Variants in SAMMSON observed in about 807,000 individuals in gnomAD.
The protein encoded by SAMMSON is long intergenic non-protein coding RNA 1212.
chr3:70,020,027 A>G (rs1448505918), intron 3 of SAMMSON, among the ~76,000 whole-genome samples: 1 of 152,124 alleles, frequency 6.6e-6, no homozygotes, highest in Non-Finnish European at 1.5e-5. Flanking sequence ...CTCTCTTTTC[A>G]CAGGCAGAAA....
chr3:70,134,849 A>C (rs550542938), intron 4 of SAMMSON, among the ~76,000 whole-genome samples: 1 of 152,294 alleles, frequency 6.6e-6, no homozygotes, highest in South Asian at 2.1e-4. Context: ...AAGTATCTAA[A>C]AGTGAATGAA....
chr3:70,245,669 CTTTATATATATATA>C (rs1701699611), intron 4 of SAMMSON, among the ~76,000 whole-genome samples: 1 of 72,214 alleles, frequency 1.4e-5, no homozygotes, highest in African/African-American at 5.2e-5. Flanking sequence ...TTGCAAACTG[CTTTATATATATATA>C]TATATATATA....
At chr3:70,419,545 G>T (rs906801125) in intron 2 of SAMMSON, among the ~76,000 whole-genome samples, 3 of 152,164 alleles carry the variant, frequency 2.0e-5, no homozygotes, top group African/African-American at 7.2e-5. Flanking sequence ...TGGAATGAGG[G>T]CTTGAGAAAG....
At chr3:70,327,808 C>A (rs539378868) in intron 7 of SAMMSON, among the ~76,000 whole-genome samples, 5 of 152,100 alleles carry the variant, frequency 3.3e-5, no homozygotes, top group African/African-American at 1.2e-4. Context: ...TGAAAGGAGC[C>A]AAAATTTTCC....
intron 4 of SAMMSON, among the ~76,000 whole-genome samples, chr3:70,149,119 CAGA>C (rs1244456661): frequency 2.0e-5 from 3 of 152,062 alleles, no homozygotes; most frequent in Non-Finnish European, 4.4e-5. Context: ...TGTTTCTCAG[CAGA>C]AGGTCAAATG....
At chr3:70,044,513 G>A (rs1193085586) in intron 3 of SAMMSON, among the ~76,000 whole-genome samples, 1 of 151,998 alleles carries the variant, frequency 6.6e-6, no homozygotes, top group Non-Finnish European at 1.5e-5. Flanking sequence ...TTTGATGTAA[G>A]TTCAAATGCC....
At chr3:70,401,411 A>G (rs945605629) in intron 2 of SAMMSON, among the ~76,000 whole-genome samples, 1 of 152,192 alleles carries the variant, frequency 6.6e-6, no homozygotes, top group South Asian at 2.1e-4. Context: ...TAAGGCAATT[A>G]CTAGCATTTA....
At chr3:70,051,613 A>G (rs976634687) in intron 3 of SAMMSON, among the ~76,000 whole-genome samples, 4 of 151,616 alleles carry the variant, frequency 2.6e-5, no homozygotes, top group African/African-American at 7.3e-5. Context: ...CTATGTGAAA[A>G]TAAGGTGGTA....
chr3:70,113,157 T>C (rs536082247), intron 4 of SAMMSON, among the ~76,000 whole-genome samples: 1 of 152,296 alleles, frequency 6.6e-6, no homozygotes, highest in East Asian at 1.9e-4. Flanking sequence ...TATAACAGCA[T>C]ATGGTATAGT....
intron 1 of SAMMSON, among the ~76,000 whole-genome samples, chr3:70,004,369 T>C (rs2066918076): frequency 6.6e-6 from 1 of 152,176 alleles, no homozygotes; most frequent in East Asian, 1.9e-4. Context: ...AGCCTATTAG[T>C]TCAGAAGGAT....
At chr3:70,420,463 G>A (rs772855797) in intron 2 of SAMMSON, among the ~76,000 whole-genome samples, 1 of 152,140 alleles carries the variant, frequency 6.6e-6, no homozygotes, top group Non-Finnish European at 1.5e-5. Context: ...TAATGTACGA[G>A]AACCACTATC....
At chr3:70,048,025 A>G (rs1423120620) in intron 3 of SAMMSON, among the ~76,000 whole-genome samples, 1 of 152,104 alleles carries the variant, frequency 6.6e-6, no homozygotes, top group Admixed American at 6.5e-5. Context: ...TTCAAATCAT[A>G]GCAATGATTT....
intron 6 of SAMMSON, among the ~76,000 whole-genome samples, chr3:70,263,620 A>T (rs1315376004): frequency 6.6e-6 from 1 of 152,174 alleles, no homozygotes; most frequent in Non-Finnish European, 1.5e-5. Context: ...CACTTCACAC[A>T]TGTAGATGGT....
chr3:70,346,311 G>GTTT (rs3050213), intron 7 of SAMMSON, among the ~76,000 whole-genome samples: 1 of 140,772 alleles, frequency 7.1e-6, no homozygotes, highest in Non-Finnish European at 1.5e-5. Flanking sequence ...TTTGCTCATT[G>GTTT]TTTTTTTTTT....
At chr3:70,071,414 T>C (rs2067229007) in intron 3 of SAMMSON, 2 of 152,092 alleles carry the variant, frequency 1.3e-5, no homozygotes, top group African/African-American at 4.8e-5. Context: ...ATGTATATTT[T>C]TCCACAGTGT....
intron 4 of SAMMSON, among the ~76,000 whole-genome samples, chr3:70,227,913 A>G (rs1032468994): frequency 6.6e-6 from 1 of 152,128 alleles, no homozygotes; most frequent in South Asian, 2.1e-4. Context: ...TTTAACTACC[A>G]TGGTGCACTG....
chr3:70,366,494 T>G (rs1200106919), intron 9 of SAMMSON, among the ~76,000 whole-genome samples: 3 of 109,716 alleles, frequency 2.7e-5, no homozygotes, highest in Non-Finnish European at 3.9e-5. Flanking sequence ...GTTTTTATGT[T>G]TTTTTTTTTT....
chr3:70,407,382 C>A (rs1701185155), intron 2 of SAMMSON, among the ~76,000 whole-genome samples: 1 of 152,196 alleles, frequency 6.6e-6, no homozygotes, highest in Non-Finnish European at 1.5e-5. Context: ...CAAGGAAAGA[C>A]CCTTCCGCCT....
At chr3:70,351,493 G>T (rs572827718) in intron 7 of SAMMSON, among the ~76,000 whole-genome samples, 2 of 152,000 alleles carry the variant, frequency 1.3e-5, no homozygotes, top group Non-Finnish European at 2.9e-5. Flanking sequence ...TATTCCTCTT[G>T]CTAAGTACAG....
Sources: gnomAD v4.1 joint callset for allele counts (sites outside exome capture counted in the v4.1 genomes callset) on GRCh38, gnomAD v4.1.1 for gene constraint, MANE v1.5 for transcripts, NCBI Gene and HGNC (gene_info 2026-07-23, HGNC 2026-07-21) for gene names.